Variants in PPFIA2 observed in about 807,000 individuals in gnomAD.
The protein encoded by PPFIA2 is PPFI scaffold protein A2.
Under a neutral mutation model 175.5 loss-of-function variants are expected in PPFIA2, and 46 were observed. The observed-to-expected ratio is 0.26, with a 90% CI of 0.21 to 0.34. The LOEUF is 0.34. PPFIA2 is among the 10% of genes least tolerant of loss of function. The pLI, the probability that PPFIA2 is intolerant of heterozygous loss-of-function variation, is 1.00. For synonymous variants in PPFIA2, 568 were observed against 511.4 expected (o/e 1.11, Z -1.49); for missense variants, 1,179 against 1,506.1 (o/e 0.78, Z 3.60).
At chr12:81,597,845 C>G (rs1193998056) in intron 4 of PPFIA2, 4 of 1,145,584 alleles carry the variant, frequency 3.5e-6, no homozygotes, top group African/African-American at 1.6e-5. Context: ...ACATTTTCTT[C>G]AATACTTCCA....
intron 31 of PPFIA2, 133 bp downstream of exon 31, chr12:81,263,098 T>C (rs2036168261): frequency 4.6e-6 from 4 of 874,610 alleles, no homozygotes; most frequent in Non-Finnish European, 6.8e-6. Context: ...TGGTTTGTGA[T>C]GAGAGCAAAG....
At chr12:81,389,087 T>C (rs1275966657) in intron 8 of PPFIA2, among the ~76,000 whole-genome samples, 3 of 150,878 alleles carry the variant, frequency 2.0e-5, no homozygotes, top group African/African-American at 4.9e-5. Context: ...ACTAGTTTTA[T>C]GCACTGAGCA....
At chr12:81,336,947 T>C (rs1216184869) in intron 21 of PPFIA2, among the ~76,000 whole-genome samples, 1 of 152,046 alleles carries the variant, frequency 6.6e-6, no homozygotes. Context: ...CAGTACTAGG[T>C]TGTAGTCCCT....
chr12:81,321,982 T>C (rs1055171715), intron 22 of PPFIA2, among the ~76,000 whole-genome samples: 1 of 152,072 alleles, frequency 6.6e-6, no homozygotes, highest in Non-Finnish European at 1.5e-5. Context: ...TACATGCACA[T>C]GCCATCATGT....
chr12:81,417,202 C>G (rs2045445118), intron 7 of PPFIA2: 1 of 151,674 alleles, frequency 6.6e-6, no homozygotes, highest in Non-Finnish European at 1.5e-5. Context: ...ATAATCCAAA[C>G]ACACTATAAT....
At chr12:81,348,018 G>C (rs1443673922) in intron 17 of PPFIA2, among the ~76,000 whole-genome samples, 1 of 151,534 alleles carries the variant, frequency 6.6e-6, no homozygotes, top group East Asian at 1.9e-4. Flanking sequence ...ACAACTTCCA[G>C]TTTTACCTTC....
At chr12:81,265,710 G>A (rs1207521978) in intron 30 of PPFIA2, among the ~76,000 whole-genome samples, 4 of 152,122 alleles carry the variant, frequency 2.6e-5, no homozygotes, top group African/African-American at 7.2e-5. Context: ...GTCGCATCTC[G>A]TTTAATTGGC....
intron 22 of PPFIA2, among the ~76,000 whole-genome samples, chr12:81,319,520 G>T (rs1351135075): frequency 6.6e-6 from 1 of 151,826 alleles, no homozygotes; most frequent in Non-Finnish European, 1.5e-5. Flanking sequence ...TGAAAGCATT[G>T]GTTTTAGGTT....
At chr12:81,703,186 T>G (rs1414127514) in intron 3 of PPFIA2, among the ~76,000 whole-genome samples, 1 of 152,156 alleles carries the variant, frequency 6.6e-6, no homozygotes, top group African/African-American at 2.4e-5. Context: ...AGTTTCATAT[T>G]TGTACTTTTG....
chr12:81,278,540 C>CAA (rs10623632), intron 27 of PPFIA2, among the ~76,000 whole-genome samples: 57,212 of 136,284 alleles, frequency 0.42, 12,558 homozygotes, highest in Non-Finnish European at 0.49. Context: ...ACTCCATCTC[C>CAA]AAAAAAAAAA....
At chr12:81,587,668 T>C (rs1253817637) in intron 4 of PPFIA2, among the ~76,000 whole-genome samples, 2 of 152,082 alleles carry the variant, frequency 1.3e-5, no homozygotes, top group African/African-American at 4.8e-5. Flanking sequence ...AATTATGTAA[T>C]TGAAATTACC....
intron 4 of PPFIA2, among the ~76,000 whole-genome samples, chr12:81,470,285 T>A (rs1434559758): frequency 2.0e-5 from 3 of 152,226 alleles, no homozygotes; most frequent in Non-Finnish European, 4.4e-5. Flanking sequence ...ATAATCTGAA[T>A]ACACAGCTCT....
intron 3 of PPFIA2, among the ~76,000 whole-genome samples, chr12:81,715,176 C>T (rs1192321885): frequency 1.4e-5 from 2 of 147,432 alleles, no homozygotes; most frequent in Non-Finnish European, 3.0e-5. Context: ...ATACAGAGTA[C>T]AAAATAGAAA....
At chr12:81,518,989 G>A (rs1311153603) in intron 4 of PPFIA2, among the ~76,000 whole-genome samples, 10 of 152,138 alleles carry the variant, frequency 6.6e-5, no homozygotes, top group Admixed American at 5.9e-4. Flanking sequence ...TCTACTCATT[G>A]AAGGTAGAAT....
chr12:81,346,170 A>C lies in PPFIA2; in HGVS notation c.2232+1363T>G, dbSNP rs1188042861. Among the ~76,000 whole-genome samples, 9 of 152,314 alleles carry C rather than the reference A, an allele frequency of 5.9e-5. No homozygotes were observed. In the South Asian group the frequency reaches 8.3e-4, roughly 14 times the overall value. On this transcript the variant is annotated intron_variant, in intron 18 of 32. Coordinates refer to ENST00000549396, the MANE Select transcript of PPFIA2 (RefSeq NM_003625.5). ...AAAACATAATTTTACCTCCATAAAC[A>C]GTTCAGAATGTTTTAATCTTCATCA...
chr12:81,547,702 C>T (rs1337075692), intron 4 of PPFIA2, among the ~76,000 whole-genome samples: 1 of 152,082 alleles, frequency 6.6e-6, no homozygotes, highest in Non-Finnish European at 1.5e-5. Flanking sequence ...TGCAAGTCCA[C>T]CATAATCTGT....
At chr12:81,432,675 T>C (rs1481670583) in intron 7 of PPFIA2, among the ~76,000 whole-genome samples, 2 of 151,982 alleles carry the variant, frequency 1.3e-5, no homozygotes, top group Admixed American at 6.6e-5. Flanking sequence ...GTCAGGCTGG[T>C]CTTGAACTCC....
chr12:81,566,998 A>G (rs2071461922), intron 4 of PPFIA2, among the ~76,000 whole-genome samples: 1 of 152,246 alleles, frequency 6.6e-6, no homozygotes, highest in Non-Finnish European at 1.5e-5. Context: ...AGTTTATAAA[A>G]TATGTAATTG....
chr12:81,718,337 A>G (rs1415685174), intron 3 of PPFIA2, among the ~76,000 whole-genome samples: 1 of 151,556 alleles, frequency 6.6e-6, no homozygotes, highest in Non-Finnish European at 1.5e-5. Context: ...AGGGAAGAGG[A>G]GTTTTAAATC....
Sources: allele counts gnomAD v4.1 joint callset (sites outside exome capture counted in the v4.1 genomes callset), GRCh38; gene constraint gnomAD v4.1.1; transcripts MANE v1.5; gene names NCBI Gene and HGNC (gene_info 2026-07-23, HGNC 2026-07-21).